IFT46: variants seen among roughly 807,000 people sequenced by gnomAD.
The protein encoded by IFT46 is intraflagellar transport protein 46 homolog.
IFT46 carries 19 observed loss-of-function variants against 39.6 expected under a neutral mutation model. That is an observed-to-expected ratio of 0.48 (90% CI 0.33 to 0.70). IFT46 has a LOEUF of 0.70. IFT46 is among the 30% of genes least tolerant of loss of function. The probability of loss-of-function intolerance (pLI) is 0.01; values close to 1 mark genes in which losing one functional copy is unlikely to be tolerated. For missense variants in IFT46, 334 were observed against 364.8 expected (o/e 0.92, Z 0.69); for synonymous variants, 117 against 134.8 (o/e 0.87, Z 0.91).
intron 2 of IFT46, chr11:118,561,513 A>G: frequency 1.3e-6 from 1 of 748,626 alleles, no homozygotes; most frequent in Non-Finnish European, 2.4e-6. Context: ...CTTGCTCAGA[A>G]GAAACATCAG....
chr11:118,570,461 T>C (rs1326737372), upstream of IFT46, among the ~76,000 whole-genome samples: 1 of 152,186 alleles, frequency 6.6e-6, no homozygotes, highest in Non-Finnish European at 1.5e-5. Context: ...TTTGGATTGA[T>C]GTAAAAGATT....
chr11:118,547,545 A>T (rs1195409035), intron 9 of IFT46, among the ~76,000 whole-genome samples: 2 of 151,946 alleles, frequency 1.3e-5, no homozygotes, highest in Non-Finnish European at 2.9e-5. Flanking sequence ...CAGCCTCCTG[A>T]GTAGCTGGGA....
intron 9 of IFT46, among the ~76,000 whole-genome samples, chr11:118,547,949 T>A (rs1377735917): frequency 6.6e-6 from 1 of 151,234 alleles, no homozygotes; most frequent in Non-Finnish European, 1.5e-5. Flanking sequence ...GGTTTCACCA[T>A]GTTAGCCAGG....
intron 2 of IFT46, chr11:118,560,776 T>C (rs1321890460): frequency 9.8e-6 from 7 of 715,984 alleles, no homozygotes; most frequent in Non-Finnish European, 1.8e-5. Flanking sequence ...GTAAAACTGG[T>C]TACTATCCTC....
Position 118,552,233 on chromosome 11 carries a change from C to T in IFT46, c.586G>A (p.Ala196Thr). ...ISELHRSKPP[A>T]TVHYTRPMPD... Reference sequence around the variant, plus strand: ...TCTTACCTGGTGTAGTGCACAGTCGCAGGGGGCTTAGAACGGTGTAATTCA... The same window carrying T: ...TCTTACCTGGTGTAGTGCACAGTCGTAGGGGGCTTAGAACGGTGTAATTCA... The change falls in exon 8 of 12, where the codon GCG becomes ACG. Residue 196 changes from alanine to threonine, a missense_variant. Ala to Thr is a moderately conservative substitution (Grantham distance 58). Coordinates refer to ENST00000264021, the MANE Select transcript of IFT46 (RefSeq NM_001168618.2). The T allele has an allele frequency of 6.2e-7, 1 of 1,614,110 alleles. No homozygotes were observed. Among genetic ancestry groups the T allele is most frequent in the Non-Finnish European group, 8.5e-7 (1 of 1,180,030 alleles).
chr11:118,569,672 G>C (rs1938296958), upstream of IFT46, among the ~76,000 whole-genome samples: 1 of 152,082 alleles, frequency 6.6e-6, no homozygotes, highest in African/African-American at 2.4e-5. Context: ...ACCTGTGGTG[G>C]GATAGTTTTC....
At position 118,555,020 on chromosome 11, in the gene IFT46, T is replaced by G; in HGVS notation, c.324A>C (p.Pro108=). ...KLKPFIPDFI[P]AVGDIDAFLK... is the part of the protein sequence containing the mutation. ...AGAATGCATCAATATCCCCGACAGC[T>G]GGGATAAAATCAGGAATGAAAGGCT... The change falls in exon 6 of 12, where the codon CCA becomes CCC. Residue 108 remains proline (P), a synonymous_variant. Coordinates refer to ENST00000264021, the MANE Select transcript of IFT46 (RefSeq NM_001168618.2). 6.2e-7 allele frequency: 1 copy of G among 1,613,420 alleles called. No homozygotes were observed. The highest frequency in any genetic ancestry group is 8.5e-7 in the Non-Finnish European group (1 of 1,179,372).
intron 2 of IFT46, chr11:118,561,011 C>A: frequency 2.0e-6 from 3 of 1,477,976 alleles, no homozygotes; most frequent in Non-Finnish European, 1.9e-6. Flanking sequence ...GGCCCGCAGG[C>A]TTCCCAATAG....
At chr11:118,548,240 A>T (rs781977217) in intron 9 of IFT46, among the ~76,000 whole-genome samples, 14 of 150,418 alleles carry the variant, frequency 9.3e-5, no homozygotes, top group African/African-American at 2.0e-4. Flanking sequence ...AATTTTTTCT[A>T]TTACATACAT....
intron 9 of IFT46, among the ~76,000 whole-genome samples, chr11:118,549,167 G>A (rs1555067878): frequency 1.3e-5 from 2 of 151,758 alleles, no homozygotes; most frequent in Non-Finnish European, 2.9e-5. Flanking sequence ...CCAAAGTGCT[G>A]GGATTATAGG....
rs138258941 is a variant in IFT46 at position 118,560,644 on chromosome 11, C to T, written c.-35-780G>A. ...TTTTCACCCCCTAGCACTGCTGGGC[C>T]GGCAGGTCTCTGTCGAGCCGCAAAC... is the stretch of plus-strand genomic sequence containing the variant. On this transcript the variant is annotated intron_variant, in intron 2 of 11. Transcript: ENST00000264021. 2,097 of 497,350 alleles carry T rather than the reference C, an allele frequency of 4.2e-3. 11 individuals are homozygous for T. Among genetic ancestry groups the T allele is most frequent in the Middle Eastern group, 0.013 (21 of 1,634 alleles). The allele number at this position is 497,350 out of a possible 1,614,324, so 30.8% of individuals were successfully genotyped here. A position where few individuals can be genotyped will look rare whatever the true frequency, so the allele number is the denominator to read the frequency against.
upstream of IFT46, among the ~76,000 whole-genome samples, chr11:118,576,449 AC>A (rs1555073619): frequency 0.12 from 17,853 of 145,314 alleles, 1,682 homozygotes; most frequent in East Asian, 0.49. Flanking sequence ...AAAAAAAAAA[AC>A]CAAAAACTTT....
chr11:118,552,394 A>G, intron 7 of IFT46, 59 bp from the exon 8 acceptor site: 1 of 1,595,366 alleles, frequency 6.3e-7, no homozygotes, highest in Non-Finnish European at 8.5e-7. Flanking sequence ...TTGTTTTTAC[A>G]GTGTCTCATT....
upstream of IFT46, among the ~76,000 whole-genome samples, chr11:118,574,428 A>G (rs1555073067): frequency 6.6e-6 from 1 of 152,132 alleles, no homozygotes; most frequent in Admixed American, 6.6e-5. Context: ...ATTTTCCAAC[A>G]TCTGGAAAAG....
At chr11:118,553,027 A>T (rs1937701082) in intron 7 of IFT46, among the ~76,000 whole-genome samples, 1 of 151,818 alleles carries the variant, frequency 6.6e-6, no homozygotes, top group Non-Finnish European at 1.5e-5. Flanking sequence ...GGCTACAGTG[A>T]GCCCCAATCA....
chr11:118,576,277 C>CA (rs1555073546), upstream of IFT46, among the ~76,000 whole-genome samples: 1 of 150,820 alleles, frequency 6.6e-6, no homozygotes, highest in East Asian at 1.9e-4. Context: ...AGTTGTTTGG[C>CA]AAAGCTCAAC....
Position 118,545,278 on chromosome 11 carries a change from T to C in IFT46, c.819+131A>G. Reference sequence around the variant, plus strand: ...CCTGCCTCCTTTGCTCTCCTAATTATGGGAAAGGGCGAAGGTAACTGGGCA... The same window carrying C: ...CCTGCCTCCTTTGCTCTCCTAATTACGGGAAAGGGCGAAGGTAACTGGGCA... On this transcript the variant is annotated intron_variant, in intron 11 of 11. Transcript: ENST00000264021. 3.8e-6 allele frequency: 3 copies of C among 788,874 alleles called. No homozygotes were observed. The South Asian group carries it at 5.0e-5, about 13-fold the overall frequency. The allele number at this position is 788,874 out of a possible 1,614,324, so 48.9% of individuals were successfully genotyped here. A position where few individuals can be genotyped will look rare whatever the true frequency, so the allele number is the denominator to read the frequency against.
At chr11:118,576,435 A>AAC (rs1229105196), upstream of IFT46, among the ~76,000 whole-genome samples, 2 of 143,434 alleles carry the variant, frequency 1.4e-5, no homozygotes, top group African/African-American at 2.6e-5. Context: ...TTAAAAAAAA[A>AAC]AAAAAAAAAA....
intron 8 of IFT46, 127 bp from the exon 9 acceptor site, chr11:118,551,979 C>A: frequency 9.4e-7 from 1 of 1,066,968 alleles, no homozygotes; most frequent in Non-Finnish European, 1.4e-6. Context: ...TCAGGAGAAC[C>A]TAGACTGGGC....
Sources: allele counts gnomAD v4.1 joint callset (sites outside exome capture counted in the v4.1 genomes callset), GRCh38; gene constraint gnomAD v4.1.1; transcripts MANE v1.5; gene names NCBI Gene and HGNC (gene_info 2026-07-23, HGNC 2026-07-21).